Variants in SLC24A2 observed in about 807,000 individuals in gnomAD.
The protein encoded by SLC24A2 is solute carrier family 24 member 2, also known as sodium/potassium/calcium exchanger 2.
Under a neutral mutation model 62.0 loss-of-function variants are expected in SLC24A2, and 36 were observed. The observed-to-expected ratio is 0.58, with a 90% CI of 0.44 to 0.77. The LOEUF (loss-of-function observed/expected upper bound fraction) is 0.77. SLC24A2 is among the 30% of genes least tolerant of loss of function. The pLI, the probability that SLC24A2 is intolerant of heterozygous loss-of-function variation, is 0.00. For missense variants in SLC24A2, 846 were observed against 817.9 expected, an observed-to-expected ratio of 1.03 and a Z score of -0.42; for synonymous variants, 358 against 294.0, an observed-to-expected ratio of 1.22 and a Z score of -2.23.
the SLC24A2 span, among the ~76,000 whole-genome samples, chr9:19,844,536 AT>A: frequency 6.6e-6 from 1 of 151,654 alleles, no homozygotes; most frequent in Admixed American, 6.6e-5. Flanking sequence ...CCATTTGTCA[AT>A]TTTTTTTGTT....
the SLC24A2 span, among the ~76,000 whole-genome samples, chr9:20,140,967 C>T: frequency 6.6e-6 from 1 of 152,128 alleles, no homozygotes; most frequent in Non-Finnish European, 1.5e-5. Context: ...TGTCTCGCCT[C>T]CTGAAAAACT....
chr9:19,931,918 T>A, the SLC24A2 span, among the ~76,000 whole-genome samples: 10 of 152,076 alleles, frequency 6.6e-5, no homozygotes, highest in South Asian at 1.0e-3. Context: ...AATTTAATTT[T>A]ATTTATTATT....
At chr9:19,543,879 T>C (rs921543567) in intron 8 of SLC24A2, among the ~76,000 whole-genome samples, 26 of 152,156 alleles carry the variant, frequency 1.7e-4, no homozygotes, top group African/African-American at 6.3e-4. Flanking sequence ...ATAAGTGCGA[T>C]GAGGTGCTGA....
chr9:19,665,960 G>A (rs10964246), intron 2 of SLC24A2, among the ~76,000 whole-genome samples: 59,394 of 151,898 alleles, frequency 0.39, 12,683 homozygotes, highest in East Asian at 0.76. Flanking sequence ...CACCCGGCCC[G>A]TGTTCTCATT....
chr9:19,781,662 G>A (rs1205182065), intron 2 of SLC24A2, among the ~76,000 whole-genome samples: 1 of 152,166 alleles, frequency 6.6e-6, no homozygotes, highest in Non-Finnish European at 1.5e-5. Flanking sequence ...TACTTTCACA[G>A]TCAGTTAAGA....
intron 2 of SLC24A2, among the ~76,000 whole-genome samples, chr9:19,706,193 T>G (rs1209607496): frequency 6.6e-6 from 1 of 150,640 alleles, no homozygotes. Flanking sequence ...TGTAATGGCC[T>G]TCTTTGTCTC....
the SLC24A2 span, among the ~76,000 whole-genome samples, chr9:20,010,745 G>A: frequency 2.0e-5 from 3 of 149,522 alleles, no homozygotes; most frequent in African/African-American, 4.9e-5. Flanking sequence ...ATCTCCTAAC[G>A]CTATCCCTCC....
chr9:19,820,645 AG>A, the SLC24A2 span, among the ~76,000 whole-genome samples: 1 of 151,934 alleles, frequency 6.6e-6, no homozygotes, highest in Non-Finnish European at 1.5e-5. Flanking sequence ...ATCTGACACA[AG>A]GTAATGGATT....
At chr9:19,938,420 A>T in the SLC24A2 span, among the ~76,000 whole-genome samples, 15 of 152,272 alleles carry the variant, frequency 9.9e-5, no homozygotes, top group African/African-American at 3.6e-4. Flanking sequence ...TTTAACTACC[A>T]TTTGTCTTCC....
At chr9:19,949,285 C>T in the SLC24A2 span, among the ~76,000 whole-genome samples, 2 of 151,818 alleles carry the variant, frequency 1.3e-5, no homozygotes, top group African/African-American at 2.4e-5. Context: ...TGAGCCACTG[C>T]GCCTGGCCCC....
chr9:19,847,305 A>G, the SLC24A2 span, among the ~76,000 whole-genome samples: 1 of 152,204 alleles, frequency 6.6e-6, no homozygotes, highest in Admixed American at 6.5e-5. Context: ...TTGAAATTTT[A>G]TGTTGGGAAA....
intron 2 of SLC24A2, among the ~76,000 whole-genome samples, chr9:19,747,005 A>G (rs1187863380): frequency 6.6e-6 from 1 of 152,182 alleles, no homozygotes; most frequent in Non-Finnish European, 1.5e-5. Flanking sequence ...ACTGTGGGCC[A>G]GTACTATGCT....
chr9:19,737,095 A>G (rs1587244873), intron 2 of SLC24A2, among the ~76,000 whole-genome samples: 1 of 152,310 alleles, frequency 6.6e-6, no homozygotes, highest in African/African-American at 2.4e-5. Flanking sequence ...ATGGACAAGG[A>G]CATCTGCTAC....
At chr9:20,214,430 GT>G in the SLC24A2 span, among the ~76,000 whole-genome samples, 12 of 152,134 alleles carry the variant, frequency 7.9e-5, no homozygotes, top group East Asian at 2.3e-3. Context: ...GGCTAACACA[GT>G]GAAACCCCAT....
the SLC24A2 span, among the ~76,000 whole-genome samples, chr9:20,081,170 C>T: frequency 6.6e-6 from 1 of 152,098 alleles, no homozygotes; most frequent in African/African-American, 2.4e-5. Context: ...TATAAAGACA[C>T]ATGCACACGT....
chr9:19,575,875 G>A (rs951890099), intron 6 of SLC24A2, among the ~76,000 whole-genome samples: 5 of 152,120 alleles, frequency 3.3e-5, no homozygotes, highest in African/African-American at 4.8e-5. Context: ...CAACCTATGC[G>A]GTAGACTTTC....
chr9:19,801,583 G>T, the SLC24A2 span, among the ~76,000 whole-genome samples: 1 of 152,222 alleles, frequency 6.6e-6, no homozygotes, highest in Non-Finnish European at 1.5e-5. Context: ...AAATTCCTGG[G>T]TTTATATCCT....
chr9:20,168,098 G>C, the SLC24A2 span, among the ~76,000 whole-genome samples: 8 of 151,926 alleles, frequency 5.3e-5, no homozygotes, highest in African/African-American at 1.9e-4. Flanking sequence ...TCAAATATAT[G>C]TATGTGATGT....
chr9:19,984,425 G>A, the SLC24A2 span, among the ~76,000 whole-genome samples: 1 of 152,104 alleles, frequency 6.6e-6, no homozygotes, highest in Non-Finnish European at 1.5e-5. Context: ...ATAAACCCAG[G>A]CCAGGCACGG....
Sources: allele counts gnomAD v4.1 joint callset (sites outside exome capture counted in the v4.1 genomes callset), GRCh38; gene constraint gnomAD v4.1.1; transcripts MANE v1.5; gene names NCBI Gene and HGNC (gene_info 2026-07-23, HGNC 2026-07-21).